LPP: variants seen among roughly 807,000 people sequenced by gnomAD.
LPP encodes the protein lipoma-preferred partner.
LPP carries 38 observed loss-of-function variants against 60.4 expected under a neutral mutation model. The ratio of observed to expected loss-of-function variants is 0.63; its 90% CI spans 0.49 to 0.83. The LOEUF (loss-of-function observed/expected upper bound fraction) is 0.83, where lower values mean the gene tolerates loss of function less well. Ranked by LOEUF, LPP falls within the 40% of genes least tolerant of loss-of-function variation. The pLI, the probability that LPP is intolerant of heterozygous loss-of-function variation, is 0.00. For synonymous variants in LPP, 328 were observed against 290.8 expected (o/e 1.13, Z -1.30); for missense variants, 902 against 783.6 (o/e 1.15, Z -1.80).
chr3:188,228,481 A>G (rs145002909), intron 2 of LPP, among the ~76,000 whole-genome samples: 1 of 152,218 alleles, frequency 6.6e-6, no homozygotes, highest in Admixed American at 6.5e-5. Context: ...ATTTAATGAG[A>G]ATGAAACAAA....
At chr3:188,265,109 A>C (rs1478388703) in intron 2 of LPP, among the ~76,000 whole-genome samples, 2 of 152,234 alleles carry the variant, frequency 1.3e-5, no homozygotes, top group Non-Finnish European at 2.9e-5. Context: ...AAGAGAGAAA[A>C]GCAGCTTTTA....
intron 8 of LPP, 108 bp downstream of exon 8, chr3:188,708,501 T>C: frequency 2.1e-6 from 3 of 1,448,416 alleles, no homozygotes; most frequent in East Asian, 4.5e-5. Context: ...TGAGTCCAGA[T>C]GCATGAGAGT....
chr3:188,830,726 G>A (rs967380787), intron 9 of LPP, among the ~76,000 whole-genome samples: 3 of 152,128 alleles, frequency 2.0e-5, no homozygotes, highest in Non-Finnish European at 4.4e-5. Context: ...AAATCCAAGA[G>A]GTCTCCACAT....
At chr3:188,416,348 C>T (rs1195450608) in intron 4 of LPP, among the ~76,000 whole-genome samples, 3 of 152,146 alleles carry the variant, frequency 2.0e-5, no homozygotes, top group African/African-American at 7.2e-5. Flanking sequence ...TCCTAGGTCC[C>T]ATCACAATTT....
At chr3:188,798,871 C>T (rs1240542980) in intron 9 of LPP, among the ~76,000 whole-genome samples, 1 of 152,222 alleles carries the variant, frequency 6.6e-6, no homozygotes, top group East Asian at 1.9e-4. Flanking sequence ...ACTTTATGAA[C>T]TCTGTCACTT....
intron 2 of LPP, among the ~76,000 whole-genome samples, chr3:188,275,212 C>T (rs1052517349): frequency 6.6e-6 from 1 of 152,118 alleles, no homozygotes; most frequent in Non-Finnish European, 1.5e-5. Flanking sequence ...AGTACATTTC[C>T]CTTGATTCTC....
rs142232822 is a variant in LPP at position 188,801,341 on chromosome 3, G to A, written c.1410+41059G>A. ...ATGCAATACTGAAGAAATCTCTAAT[G>A]CATTCTATATTCTGTAACAGTAATA... is the stretch of plus-strand genomic sequence containing the variant. On this transcript the variant is annotated intron_variant, in intron 9 of 11. Transcript: ENST00000617246. Among the ~76,000 whole-genome samples the A allele has an allele frequency of 2.8e-4, 43 of 152,144 alleles. No individual in the cohort carries two copies. The East Asian group carries it at 3.1e-3, about 11-fold the overall frequency.
chr3:188,395,185 A>C (rs969749283), intron 3 of LPP, among the ~76,000 whole-genome samples: 4 of 152,176 alleles, frequency 2.6e-5, no homozygotes, highest in African/African-American at 7.2e-5. Context: ...TAAATTTAGC[A>C]ATATACTTAT....
chr3:188,587,906 T>G (rs1358743559), intron 6 of LPP, among the ~76,000 whole-genome samples: 24 of 152,240 alleles, frequency 1.6e-4, no homozygotes, highest in Admixed American at 1.2e-3. Flanking sequence ...CAAAACATGA[T>G]AATTCCAAAT....
At chr3:188,308,086 A>G (rs950694622) in intron 2 of LPP, among the ~76,000 whole-genome samples, 3 of 152,216 alleles carry the variant, frequency 2.0e-5, no homozygotes, top group Non-Finnish European at 2.9e-5. Context: ...AGGCCCCCTC[A>G]GAATTCAGGA....
chr3:188,394,757 G>C (rs1213246991), intron 3 of LPP, among the ~76,000 whole-genome samples: 5 of 152,108 alleles, frequency 3.3e-5, no homozygotes, highest in Admixed American at 3.3e-4. Flanking sequence ...TTCTGAAACT[G>C]ATTTGAAACA....
intron 1 of LPP, among the ~76,000 whole-genome samples, chr3:188,177,320 C>A (rs1481687020): frequency 6.6e-6 from 1 of 152,148 alleles, no homozygotes; most frequent in Non-Finnish European, 1.5e-5. Flanking sequence ...GAGATGGATA[C>A]CAGTCTTGGA....
chr3:188,178,984 G>C (rs779847318), intron 1 of LPP: 6 of 288,296 alleles, frequency 2.1e-5, no homozygotes, highest in Non-Finnish European at 3.5e-5. Context: ...GGGAGAGAGA[G>C]AGCACGACAA....
chr3:188,449,707 T>C (rs1469091039), intron 4 of LPP, among the ~76,000 whole-genome samples: 1 of 152,238 alleles, frequency 6.6e-6, no homozygotes, highest in East Asian at 1.9e-4. Flanking sequence ...ATCATGGTTC[T>C]GTGCTATCGA....
intron 2 of LPP, among the ~76,000 whole-genome samples, chr3:188,241,302 T>C (rs1724699375): frequency 6.6e-6 from 1 of 152,204 alleles, no homozygotes; most frequent in Admixed American, 6.5e-5. Context: ...CCTGCATGAC[T>C]GGGTATAAAC....
intron 7 of LPP, among the ~76,000 whole-genome samples, chr3:188,670,641 C>G (rs1185672354): frequency 6.6e-6 from 1 of 152,250 alleles, no homozygotes; most frequent in South Asian, 2.1e-4. Flanking sequence ...TTGGCACGCA[C>G]GTTACTTCCT....
intron 9 of LPP, among the ~76,000 whole-genome samples, chr3:188,770,283 A>G (rs1456884922): frequency 1.5e-5 from 2 of 137,626 alleles, no homozygotes; most frequent in African/African-American, 5.5e-5. Context: ...GGTTCACGCC[A>G]TTCTCCTGCC....
chr3:188,481,200 C>T (rs1238160454), intron 4 of LPP, among the ~76,000 whole-genome samples: 1 of 152,132 alleles, frequency 6.6e-6, no homozygotes, highest in Non-Finnish European at 1.5e-5. Context: ...ATGCCTCTCT[C>T]CAAGGGAACC....
chr3:188,322,315 C>T (rs1167084865), intron 2 of LPP, among the ~76,000 whole-genome samples: 2 of 152,156 alleles, frequency 1.3e-5, no homozygotes, highest in Non-Finnish European at 2.9e-5. Context: ...CTCAGGCTTC[C>T]ACTGTGTCCC....
Sources: allele counts gnomAD v4.1 joint callset (sites outside exome capture counted in the v4.1 genomes callset), GRCh38; gene constraint gnomAD v4.1.1; transcripts MANE v1.5; gene names NCBI Gene and HGNC (gene_info 2026-07-23, HGNC 2026-07-21).